MVB12B: variants seen among roughly 807,000 people sequenced by gnomAD.
MVB12B encodes ESCRT-I complex subunit MVB12B.
A neutral mutation model predicts 41.6 loss-of-function variants in MVB12B; 16 were observed. The ratio of observed to expected loss-of-function variants is 0.38; its 90% CI spans 0.26 to 0.58. MVB12B has a LOEUF of 0.58. Among genes scored for constraint, MVB12B ranks in the 20% least tolerant of loss-of-function variants. The pLI is 0.62. For missense variants in MVB12B, 274 were observed against 380.2 expected, an observed-to-expected ratio of 0.72 and a Z score of 2.32; for synonymous variants, 133 against 139.7, an observed-to-expected ratio of 0.95 and a Z score of 0.34.
At position 126,333,508 on chromosome 9, in the gene MVB12B, G is replaced by A. The variant is rs1032312445; in HGVS notation, c.81+6498G>A. Among the ~76,000 whole-genome samples, 5 of 152,150 alleles carry A rather than the reference G, an allele frequency of 3.3e-5. No individual in the cohort carries two copies. The highest frequency in any genetic ancestry group is 1.2e-4 in the African/African-American group (5 of 41,422). On this transcript the variant is annotated intron_variant, in intron 1 of 9. Transcript: ENST00000361171. This position sits in a 1 kb window ranked among gnomAD's most constrained non-coding sequence, Gnocchi z 4.7. ...CAACCTCCACCTCCTGGGTTTAAGC[G>A]ATTCTTGTGCCTCACCCTCTCGAGT...
chr9:126,391,143 G>A lies in MVB12B; in HGVS notation c.410-923G>A, dbSNP rs1830938923. ...GAGCTCAGCAAGAATGGCCCAGCCA[G>A]ACTCTGGGCCTCACTATATGACAGC... On this transcript the variant is annotated intron_variant, in intron 4 of 9. Coordinates refer to ENST00000361171, the MANE Select transcript of MVB12B (RefSeq NM_033446.3). The surrounding 1 kb of genome is among the most constrained non-coding windows in gnomAD (Gnocchi z 4.4). Among the ~76,000 whole-genome samples, 1 of 152,214 alleles carries A rather than the reference G, an allele frequency of 6.6e-6. No individual in the cohort carries two copies. Among genetic ancestry groups the A allele is most frequent in the African/African-American group, 2.4e-5 (1 of 41,452 alleles).
intron 2 of MVB12B, among the ~76,000 whole-genome samples, chr9:126,360,735 G>T (rs1830008234): frequency 1.3e-5 from 2 of 152,080 alleles, no homozygotes; most frequent in Admixed American, 1.3e-4. Context: ...ATAAGTTTTT[G>T]TTTCCTGTAT....
rs116914703 is a variant in MVB12B, at chr9:126,502,989, G to A, written c.874-188G>A. ...CCCGCAGGCGTGTCCACGCACACAC[G>A]CCACATGCACAGTTCAGGGGCCCAC... On this transcript the variant is annotated intron_variant, in intron 9 of 9. Coordinates refer to ENST00000361171, the MANE Select transcript of MVB12B (RefSeq NM_033446.3). Among the ~76,000 whole-genome samples, 597 of 152,308 alleles carry A rather than the reference G, an allele frequency of 3.9e-3. 8 individuals are homozygous for A. In the East Asian group the frequency reaches 0.04, roughly 10 times the overall value.
chr9:126,432,140 A>G (rs1832346442), intron 7 of MVB12B, among the ~76,000 whole-genome samples: 1 of 152,216 alleles, frequency 6.6e-6, no homozygotes, highest in South Asian at 2.1e-4. Context: ...AGAAAAACCA[A>G]CTTTCTGATA....
In MVB12B at chr9:126,386,680, C is replaced by G. The variant is rs750262207; in HGVS notation, c.409+22C>G. 5 of 1,536,314 alleles carry G rather than the reference C, an allele frequency of 3.3e-6. No homozygotes were observed. The highest frequency in any genetic ancestry group is 4.5e-6 in the Non-Finnish European group (5 of 1,109,686). ...ACACGTGAGTCATCCTTTAGTAGCA[C>G]TCATCACAATGAGCGTTTTCTTCCT... On this transcript the variant is annotated intron_variant, in intron 4 of 9. Transcript: ENST00000361171. This position sits in a 1 kb window ranked among gnomAD's most constrained non-coding sequence, Gnocchi z 4.3.
intron 6 of MVB12B, among the ~76,000 whole-genome samples, chr9:126,409,431 A>G (rs1453658660): frequency 6.6e-6 from 1 of 150,418 alleles, no homozygotes; most frequent in Non-Finnish European, 1.5e-5. Context: ...TTCCTCTGTG[A>G]AATGGGGATA....
intron 7 of MVB12B, among the ~76,000 whole-genome samples, chr9:126,439,530 G>T (rs568713326): frequency 6.6e-6 from 1 of 152,324 alleles, no homozygotes; most frequent in East Asian, 1.9e-4. Flanking sequence ...TTCACAGTAA[G>T]CCTCGAATAG....
chr9:126,495,770 A>G (rs2119230394), intron 9 of MVB12B, among the ~76,000 whole-genome samples: 1 of 152,288 alleles, frequency 6.6e-6, no homozygotes, highest in Middle Eastern at 3.4e-3. Context: ...ATCTAGATAA[A>G]TATTGGCATC....
chr9:126,374,092 T>G (rs1830415615), intron 2 of MVB12B, among the ~76,000 whole-genome samples: 1 of 152,238 alleles, frequency 6.6e-6, no homozygotes, highest in African/African-American at 2.4e-5. Context: ...GAGTCTTCTA[T>G]TGTGAGGATG....
At chr9:126,477,839 A>G (rs1024570959) in intron 7 of MVB12B, among the ~76,000 whole-genome samples, 4 of 152,250 alleles carry the variant, frequency 2.6e-5, no homozygotes, top group Non-Finnish European at 4.4e-5. Context: ...CAGCCTGGGC[A>G]ACCCATTCTT....
chr9:126,469,913 G>A (rs922100104), intron 7 of MVB12B, among the ~76,000 whole-genome samples: 4 of 152,042 alleles, frequency 2.6e-5, no homozygotes, highest in East Asian at 1.9e-4. Context: ...TATTTATAAC[G>A]TTAAAAAAAT....
intron 7 of MVB12B, among the ~76,000 whole-genome samples, chr9:126,428,844 T>C (rs892303357): frequency 1.3e-5 from 2 of 152,110 alleles, no homozygotes; most frequent in Admixed American, 6.6e-5. Flanking sequence ...CTGAGTAGTG[T>C]TAGCCTCTGC....
In MVB12B at chr9:126,505,983, C is replaced by T. The variant is rs1004256977; in HGVS notation, c.*2720C>T. ...ACGGCTAACCAGAGCACACTGTCCC[C>T]ACCGCCTCCCCTTTCTCTCTGGAAA... On this transcript the variant is annotated 3_prime_UTR_variant, in exon 10 of 10. Coordinates refer to ENST00000361171, the MANE Select transcript of MVB12B (RefSeq NM_033446.3). 6.6e-6 allele frequency: 1 copy of T among 152,270 alleles called. No homozygotes were observed. The highest frequency in any genetic ancestry group is 6.5e-5 in the Admixed American group (1 of 15,278). 9.4% of individuals were successfully genotyped at this position (152,270 alleles called of 1,614,324 possible). A position where few individuals can be genotyped will look rare whatever the true frequency, so the allele number is the denominator to read the frequency against.
At chr9:126,360,838 AT>A (rs1428641708) in intron 2 of MVB12B, among the ~76,000 whole-genome samples, 1 of 152,168 alleles carries the variant, frequency 6.6e-6, no homozygotes, top group Admixed American at 6.5e-5. Flanking sequence ...GACCCTCTTT[AT>A]CCCTGTTAAT....
chr9:126,468,228 A>T lies in MVB12B; in HGVS notation c.758-13141A>T, dbSNP rs1238785485. ...TTCTCTCATGGTCTCAATTATCACC[A>T]TGCTGGTTACTTCCAAACTCACCCT... On this transcript the variant is annotated intron_variant, in intron 7 of 9. Coordinates refer to ENST00000361171, the MANE Select transcript of MVB12B (RefSeq NM_033446.3). The surrounding 1 kb of genome is among the most constrained non-coding windows in gnomAD (Gnocchi z 4.3). 1.3e-5 allele frequency among the ~76,000 whole-genome samples: 2 copies of T among 152,078 alleles called. No individual in the cohort carries two copies. Among genetic ancestry groups the T allele is most frequent in the Non-Finnish European group, 2.9e-5 (2 of 68,020 alleles).
chr9:126,330,858 A>G (rs1051496114), intron 1 of MVB12B, among the ~76,000 whole-genome samples: 2 of 152,082 alleles, frequency 1.3e-5, no homozygotes, highest in African/African-American at 4.8e-5. Context: ...AGTGGATCAT[A>G]CAGTATTTGT....
chr9:126,394,535 A>T (rs1831049228), intron 5 of MVB12B, among the ~76,000 whole-genome samples: 1 of 152,214 alleles, frequency 6.6e-6, no homozygotes, highest in African/African-American at 2.4e-5. Flanking sequence ...CAGAACTCTA[A>T]GTCACTTATT....
At chr9:126,338,184 G>C (rs1288300287) in intron 1 of MVB12B, among the ~76,000 whole-genome samples, 2 of 152,218 alleles carry the variant, frequency 1.3e-5, no homozygotes, top group African/African-American at 4.8e-5. Context: ...CACAGCAGCT[G>C]GGGGGAAGGA....
chr9:126,344,309 CCT>C (rs1274759788), intron 2 of MVB12B, among the ~76,000 whole-genome samples: 1 of 152,158 alleles, frequency 6.6e-6, no homozygotes, highest in East Asian at 1.9e-4. Context: ...GAAGGGAAGT[CCT>C]TATAGATGAT....
Sources: allele counts gnomAD v4.1 joint callset (sites outside exome capture counted in the v4.1 genomes callset), GRCh38; gene constraint gnomAD v4.1.1; non-coding constraint Gnocchi (gnomAD v3.1); transcripts MANE v1.5; gene names NCBI Gene and HGNC (gene_info 2026-07-23, HGNC 2026-07-21).